TRPA1: variants seen among roughly 807,000 people sequenced by gnomAD.
The protein encoded by TRPA1 is ankyrin-like with transmembrane domains 1.
A neutral mutation model predicts 131.3 loss-of-function variants in TRPA1; 129 were observed. The observed-to-expected ratio is 0.98, with a 90% CI of 0.85 to 1.14. The LOEUF (loss-of-function observed/expected upper bound fraction) is 1.14, where lower values mean the gene tolerates loss of function less well. Among genes scored for constraint, TRPA1 ranks in the 50% most tolerant of loss-of-function variants. TRPA1 has a pLI of 0.00. For synonymous variants in TRPA1, 441 were observed against 451.7 expected (o/e 0.98, Z 0.30); for missense variants, 1,304 against 1,354.2 (o/e 0.96, Z 0.58).
intron 5 of TRPA1, 43 bp downstream of exon 5, chr8:72,063,420 T>C: frequency 7.2e-7 from 1 of 1,380,866 alleles, no homozygotes; most frequent in Non-Finnish European, 1.0e-6. Context: ...TCCACCAAAA[T>C]AGACTTATTT....
In TRPA1 at chr8:72,046,455, A is replaced by AT. The variant is rs1301011717; in HGVS notation, c.2061+57dup. The AT allele has an allele frequency of 1.3e-5, 14 of 1,041,406 alleles. No homozygotes were observed. The East Asian group carries it at 1.8e-4, about 13-fold the overall frequency. The allele number at this position is 1,041,406 out of a possible 1,614,324, so 64.5% of individuals were successfully genotyped here. ...CATGTACCCTAAAACTTAAAGTATAATAAAAAAAAAAAAAGAAAAAAAAGA... is the reference window on the plus strand; with the variant it reads ...CATGTACCCTAAAACTTAAAGTATAATTAAAAAAAAAAAAAGAAAAAAAAGA... On this transcript the variant is annotated intron_variant, in intron 17 of 26. Transcript: ENST00000262209.
intron 4 of TRPA1, among the ~76,000 whole-genome samples, chr8:72,063,958 TAATA>T (rs965046244): frequency 2.0e-5 from 3 of 152,132 alleles, no homozygotes; most frequent in Non-Finnish European, 2.9e-5. Context: ...TATGCAAAAT[TAATA>T]AATGAATGTG....
rs1811598586 is a variant in TRPA1 at position 72,026,080 on chromosome 8, T to C, written c.2938-7A>G. 1 of 1,610,508 alleles carries C rather than the reference T, an allele frequency of 6.2e-7. No homozygotes were observed. Among genetic ancestry groups the C allele is most frequent in the Non-Finnish European group, 8.5e-7 (1 of 1,176,894 alleles). On this transcript the variant is annotated splice_region_variant and splice_polypyrimidine_tract_variant and intron_variant, in intron 24 of 26. Coordinates refer to ENST00000262209, the MANE Select transcript of TRPA1 (RefSeq NM_007332.3). ...AGCTGGTATGAAGTTCCACCTAAAG[T>C]GCATTTTGGATTTATTGATAGAATC...
chr8:72,056,429 T>C (rs1201265177), intron 10 of TRPA1: 2 of 166,180 alleles, frequency 1.2e-5, no homozygotes, highest in African/African-American at 4.8e-5. Flanking sequence ...GATAAAAATA[T>C]GATGTATTTC....
At chr8:72,083,069 T>G in the TRPA1 span, among the ~76,000 whole-genome samples, 2 of 152,100 alleles carry the variant, frequency 1.3e-5, no homozygotes, top group Non-Finnish European at 2.9e-5. Flanking sequence ...AATCTGCTAT[T>G]GAACCTACTA....
Position 72,053,859 on chromosome 8 carries a change from T to C in TRPA1, c.1538A>G (p.Asn513Ser), listed in dbSNP as rs1805592456. The C allele has an allele frequency of 1.9e-6, 3 of 1,610,780 alleles. No homozygotes were observed. Among genetic ancestry groups the C allele is most frequent in the Non-Finnish European group, 1.7e-6 (2 of 1,179,170 alleles). The part of the protein sequence containing the change: ...KKGALFLSDH[N>S]GWTALHHASM... The stretch of plus-strand genomic sequence containing the variant: ...CGCATGATGCAAAGCTGTCCAGCCA[T>C]TGTGGTCACTGGTAAAGAGTTAAGA... The change falls in exon 13 of 27, where the codon AAT (asparagine) becomes AGT (serine). Residue 513 changes from asparagine (N) to serine (S), a missense_variant. Physicochemically the swap from Asn to Ser is conservative, Grantham distance 46. Transcript: ENST00000262209.
intron 25 of TRPA1, 56 bp downstream of exon 25, chr8:72,025,904 A>C: frequency 6.9e-7 from 1 of 1,457,082 alleles, no homozygotes; most frequent in South Asian, 1.2e-5. Flanking sequence ...TAACACAATG[A>C]ATGAATGTCA....
chr8:72,059,183 GACACTTCTAACT>G (rs1166514149), intron 8 of TRPA1, among the ~76,000 whole-genome samples, 195 bp downstream of exon 8: 1 of 152,174 alleles, frequency 6.6e-6, no homozygotes, highest in Non-Finnish European at 1.5e-5. Context: ...ATTACGCTTT[GACACTTCTAACT>G]GTAATAGTTT....
intron 12 of TRPA1, 52 bp downstream of exon 12, chr8:72,055,384 G>C: frequency 6.7e-7 from 1 of 1,486,158 alleles, no homozygotes; most frequent in Non-Finnish European, 9.4e-7. Context: ...AAGATAGCCT[G>C]AAAATGGCTA....
chr8:72,058,260 T>C (rs1490325315), intron 8 of TRPA1, among the ~76,000 whole-genome samples: 11 of 152,156 alleles, frequency 7.2e-5, no homozygotes, highest in Non-Finnish European at 1.3e-4. Flanking sequence ...TTATTGGAAA[T>C]AGATGAACTG....
In TRPA1 at chr8:72,046,623, AT is replaced by A. The variant is rs36057078; in HGVS notation, c.1966-16del. 25 of 1,432,496 alleles carry A rather than the reference AT, an allele frequency of 1.7e-5. No individual in the cohort carries two copies. Among genetic ancestry groups the A allele is most frequent in the South Asian group, 6.0e-5 (5 of 83,126 alleles). The allele number at this position is 1,432,496 out of a possible 1,614,324, so 88.7% of individuals were successfully genotyped here. Reference sequence around the variant, plus strand: ...TTATACTCGATCTGTAGAAGACAGAATTTTTTTTAAAAAAATGTACAGTTAG... The same window carrying A: ...TTATACTCGATCTGTAGAAGACAGAATTTTTTTAAAAAAATGTACAGTTAG... On this transcript the variant is annotated splice_polypyrimidine_tract_variant and intron_variant, in intron 16 of 26. Transcript: ENST00000262209.
At chr8:72,044,824 C>T (rs1016912737) in intron 17 of TRPA1, among the ~76,000 whole-genome samples, 1 of 151,952 alleles carries the variant, frequency 6.6e-6, no homozygotes, top group African/African-American at 2.4e-5. Flanking sequence ...GCTATTAAGG[C>T]ATTGCAGAAT....
At chr8:72,048,866 G>A (rs1051320465) in intron 15 of TRPA1, among the ~76,000 whole-genome samples, 31 of 152,208 alleles carry the variant, frequency 2.0e-4, no homozygotes, top group African/African-American at 6.7e-4. Flanking sequence ...AATTTCGACT[G>A]TTTACTATGT....
In TRPA1 at chr8:72,053,878, G is replaced by GT. The variant is rs1161264780; in HGVS notation, c.1530-12dup. 1 of 1,601,578 alleles carries GT rather than the reference G, an allele frequency of 6.2e-7. No homozygotes were observed. The highest frequency in any genetic ancestry group is 1.3e-5 in the African/African-American group (1 of 74,784). Reference sequence around the variant, plus strand: ...CAGCCATTGTGGTCACTGGTAAAGAGTTAAGAAAAGATGTGTGCATACACT... The same window carrying GT: ...CAGCCATTGTGGTCACTGGTAAAGAGTTTAAGAAAAGATGTGTGCATACACT... On this transcript the variant is annotated splice_polypyrimidine_tract_variant and intron_variant, in intron 12 of 26. Coordinates refer to ENST00000262209, the MANE Select transcript of TRPA1 (RefSeq NM_007332.3).
At chr8:72,084,027 G>T in the TRPA1 span, among the ~76,000 whole-genome samples, 1 of 152,120 alleles carries the variant, frequency 6.6e-6, no homozygotes, top group Non-Finnish European at 1.5e-5. Flanking sequence ...GATGAAAGTT[G>T]ACAAATTTGT....
chr8:72,080,566 A>G (rs1806269564), upstream of TRPA1, among the ~76,000 whole-genome samples: 1 of 151,780 alleles, frequency 6.6e-6, no homozygotes. Context: ...TAGCTTTGCT[A>G]TCAGTATAGT....
At chr8:72,079,764 T>C (rs1806254703), upstream of TRPA1, among the ~76,000 whole-genome samples, 1 of 151,952 alleles carries the variant, frequency 6.6e-6, no homozygotes, top group African/African-American at 2.4e-5. Context: ...AGGGCCATGT[T>C]TAAAATATTG....
intron 4 of TRPA1, 86 bp from the exon 5 acceptor site, chr8:72,063,657 C>G: frequency 1.2e-6 from 1 of 825,192 alleles, no homozygotes; most frequent in Non-Finnish European, 2.1e-6. Flanking sequence ...TCTCCCATAT[C>G]ATTTTACTAT....
chr8:72,074,804 G>A (rs1422224255), intron 1 of TRPA1, among the ~76,000 whole-genome samples: 3 of 152,070 alleles, frequency 2.0e-5, no homozygotes, highest in Non-Finnish European at 2.9e-5. Flanking sequence ...CGTTTTATTG[G>A]GGACATTTTC....
Sources: gnomAD v4.1 joint callset for allele counts (sites outside exome capture counted in the v4.1 genomes callset) on GRCh38, gnomAD v4.1.1 for gene constraint, MANE v1.5 for transcripts, NCBI Gene and HGNC (gene_info 2026-07-23, HGNC 2026-07-21) for gene names.